RNLS: variants seen among roughly 807,000 people sequenced by gnomAD.
RNLS encodes the protein renalase.
Under a neutral mutation model 39.8 loss-of-function variants are expected in RNLS, and 39 were observed. The ratio of observed to expected loss-of-function variants is 0.98; its 90% CI spans 0.76 to 1.28. RNLS has a LOEUF of 1.28. Among genes scored for constraint, RNLS ranks in the 50% most tolerant of loss-of-function variants. The probability of loss-of-function intolerance (pLI) is 0.00; values close to 1 mark genes in which losing one functional copy is unlikely to be tolerated. For missense variants in RNLS, 410 were observed against 413.3 expected (o/e 0.99, Z 0.07); for synonymous variants, 147 against 150.7 (o/e 0.98, Z 0.18).
At chr10:88,412,611 G>T (rs1331036940) in intron 4 of RNLS, among the ~76,000 whole-genome samples, 2 of 152,162 alleles carry the variant, frequency 1.3e-5, no homozygotes, top group Admixed American at 6.6e-5. Context: ...AAAGAATTAG[G>T]CAGTCATATA....
chr10:88,528,059 T>C (rs1262586498), intron 4 of RNLS, among the ~76,000 whole-genome samples: 1 of 151,594 alleles, frequency 6.6e-6, no homozygotes. Flanking sequence ...AATGTGAGAC[T>C]GAGTGAACAA....
At chr10:88,341,806 T>C (rs1368359889) in intron 5 of RNLS, among the ~76,000 whole-genome samples, 1 of 152,154 alleles carries the variant, frequency 6.6e-6, no homozygotes, top group East Asian at 1.9e-4. Flanking sequence ...AAAAGCTTTT[T>C]ACAAATGGTA....
chr10:88,555,514 T>C (rs1232288216), intron 4 of RNLS, among the ~76,000 whole-genome samples: 2 of 152,106 alleles, frequency 1.3e-5, no homozygotes, highest in Non-Finnish European at 2.9e-5. Flanking sequence ...CCTCATGTGA[T>C]GCTCCAGTTC....
intron 4 of RNLS, among the ~76,000 whole-genome samples, chr10:88,514,319 G>T (rs1455718319): frequency 6.6e-6 from 1 of 151,920 alleles, no homozygotes; most frequent in Non-Finnish European, 1.5e-5. Context: ...AGAACAGCAT[G>T]GGGGAAACCA....
chr10:88,456,827 G>C (rs1842654288), intron 4 of RNLS, among the ~76,000 whole-genome samples: 1 of 152,100 alleles, frequency 6.6e-6, no homozygotes, highest in South Asian at 2.1e-4. Flanking sequence ...CTATAGGGTT[G>C]GTTTCCTCCA....
At chr10:88,405,752 G>A (rs965924164) in intron 4 of RNLS, among the ~76,000 whole-genome samples, 5 of 151,952 alleles carry the variant, frequency 3.3e-5, no homozygotes, top group Non-Finnish European at 7.4e-5. Flanking sequence ...TTTATTGGCT[G>A]TGTGCTTTGG....
chr10:88,352,524 C>G (rs1278245358), intron 5 of RNLS, among the ~76,000 whole-genome samples: 1 of 152,188 alleles, frequency 6.6e-6, no homozygotes, highest in African/African-American at 2.4e-5. Context: ...ATATGTTGAA[C>G]CAGCCTTGCA....
intron 4 of RNLS, among the ~76,000 whole-genome samples, chr10:88,509,847 C>T (rs943016126): frequency 6.6e-6 from 1 of 152,082 alleles, no homozygotes; most frequent in African/African-American, 2.4e-5. Flanking sequence ...GGTCATATAA[C>T]CTTTCTTCCT....
intron 6 of RNLS, among the ~76,000 whole-genome samples, chr10:88,288,020 T>C (rs575406514): frequency 6.6e-6 from 1 of 152,144 alleles, no homozygotes; most frequent in Non-Finnish European, 1.5e-5. Context: ...GGCAAATAAC[T>C]TTCTGGCTCT....
intron 4 of RNLS, among the ~76,000 whole-genome samples, chr10:88,532,281 T>C (rs1847474140): frequency 1.3e-5 from 2 of 152,084 alleles, no homozygotes; most frequent in African/African-American, 2.4e-5. Context: ...TATGTTTTTA[T>C]TACTTTAAGT....
At chr10:88,234,615 A>C in the RNLS span, among the ~76,000 whole-genome samples, 7 of 152,178 alleles carry the variant, frequency 4.6e-5, no homozygotes, top group Non-Finnish European at 8.8e-5. Context: ...ACTGCAACTC[A>C]ACACATTTTT....
chr10:88,173,165 T>G, the RNLS span, among the ~76,000 whole-genome samples: 1 of 152,038 alleles, frequency 6.6e-6, no homozygotes, highest in Non-Finnish European at 1.5e-5. Flanking sequence ...GCCGAGTGGA[T>G]TTTTGTATAT....
chr10:88,236,825 T>C, the RNLS span, among the ~76,000 whole-genome samples: 1 of 152,176 alleles, frequency 6.6e-6, no homozygotes, highest in East Asian at 1.9e-4. Flanking sequence ...ATAAATGCTG[T>C]GATGGAAGCT....
intron 4 of RNLS, among the ~76,000 whole-genome samples, chr10:88,462,547 T>C (rs1842982758): frequency 1.3e-5 from 2 of 151,944 alleles, no homozygotes; most frequent in Non-Finnish European, 2.9e-5. Flanking sequence ...TACTGTCTTA[T>C]AAATAAGATA....
At chr10:88,310,093 T>C (rs1845242498) in intron 6 of RNLS, among the ~76,000 whole-genome samples, 1 of 152,068 alleles carries the variant, frequency 6.6e-6, no homozygotes. Context: ...GGAGTGTGCC[T>C]GTAGCCCCAG....
intron 4 of RNLS, among the ~76,000 whole-genome samples, chr10:88,415,198 G>A (rs1853941744): frequency 6.6e-6 from 1 of 152,126 alleles, no homozygotes; most frequent in South Asian, 2.1e-4. Context: ...AGGGTTTTGT[G>A]GAATGCTAAA....
chr10:88,461,090 T>C (rs538173658), intron 4 of RNLS, among the ~76,000 whole-genome samples: 1 of 152,264 alleles, frequency 6.6e-6, no homozygotes, highest in South Asian at 2.1e-4. Context: ...TTCATCCTTT[T>C]CAGGGAGCTT....
At chr10:88,374,117 C>T (rs1362664985) in intron 4 of RNLS, among the ~76,000 whole-genome samples, 1 of 151,724 alleles carries the variant, frequency 6.6e-6, no homozygotes, top group East Asian at 1.9e-4. Context: ...GTTATTGTTG[C>T]AGGAAAAGAG....
intron 4 of RNLS, among the ~76,000 whole-genome samples, chr10:88,411,787 GA>G (rs1564778010): frequency 6.6e-6 from 1 of 152,062 alleles, no homozygotes; most frequent in Non-Finnish European, 1.5e-5. Flanking sequence ...GTTTTGGGAA[GA>G]AGTAAGAAGG....
Sources: gnomAD v4.1 joint callset for allele counts (sites outside exome capture counted in the v4.1 genomes callset) on GRCh38, gnomAD v4.1.1 for gene constraint, MANE v1.5 for transcripts, NCBI Gene and HGNC (gene_info 2026-07-23, HGNC 2026-07-21) for gene names.